TRPS1: variants seen among roughly 807,000 people sequenced by gnomAD.
TRPS1 encodes zinc finger transcription factor Trps1.
In TRPS1, 6 loss-of-function variants were observed where a neutral mutation model predicts 101.2. That is an observed-to-expected ratio of 0.06 (90% CI 0.03 to 0.12). TRPS1 has a LOEUF of 0.12. TRPS1 is among the 10% of genes least tolerant of loss of function. The probability of loss-of-function intolerance (pLI) is 1.00; values close to 1 mark genes in which losing one functional copy is unlikely to be tolerated. For missense variants in TRPS1, 1,363 were observed against 1,567.0 expected, an observed-to-expected ratio of 0.87 and a Z score of 2.20; for synonymous variants, 578 against 589.8, an observed-to-expected ratio of 0.98 and a Z score of 0.29.
chr8:115,515,247 A>G, intron 5 of TRPS1: 1 of 698,148 alleles, frequency 1.4e-6, no homozygotes, highest in Non-Finnish European at 2.6e-6. Flanking sequence ...CAAAGACTAA[A>G]CTGCTCTTCG....
chr8:115,611,212 G>A (rs1818156282), intron 3 of TRPS1, among the ~76,000 whole-genome samples: 1 of 151,752 alleles, frequency 6.6e-6, no homozygotes, highest in Non-Finnish European at 1.5e-5. Flanking sequence ...GGGTTACAAA[G>A]CTAAGTGAAT....
At position 115,483,018 on chromosome 8, in the gene TRPS1, A is replaced by G. The variant is rs570557427; in HGVS notation, c.2701-64566T>C. On this transcript the variant is annotated intron_variant, in intron 5 of 6. Transcript: ENST00000395715. ...TGCCTTGAACTGTAAATGCATAAACATTGTCATTCCATATAAGTAGGTCTT... is the reference window on the plus strand; with the variant it reads ...TGCCTTGAACTGTAAATGCATAAACGTTGTCATTCCATATAAGTAGGTCTT... 2.6e-4 allele frequency among the ~76,000 whole-genome samples: 39 copies of G among 152,338 alleles called. 1 individual carries two copies. The South Asian group carries it at 7.2e-3, about 28-fold the overall frequency.
At chr8:115,493,550 T>C (rs1475979403) in intron 5 of TRPS1, among the ~76,000 whole-genome samples, 1 of 152,138 alleles carries the variant, frequency 6.6e-6, no homozygotes, top group Non-Finnish European at 1.5e-5. Flanking sequence ...TGTTTCTCCA[T>C]GTTGGTCAGG....
intron 5 of TRPS1, among the ~76,000 whole-genome samples, chr8:115,486,908 T>C (rs527977385): frequency 1.6e-4 from 24 of 152,288 alleles, no homozygotes; most frequent in African/African-American, 5.3e-4. Flanking sequence ...GGAAAGGTGA[T>C]TGATGAAGAT....
At position 115,411,485 on chromosome 8, in the gene TRPS1, GA is replaced by G. The variant is rs570702506; in HGVS notation, c.*2537del. Reference sequence around the variant, plus strand: ...GATAATGTTGCTTAAGGATTGCCACGATGCATTCTGTTATTCTTTTTACTAA... The same window carrying G: ...GATAATGTTGCTTAAGGATTGCCACGTGCATTCTGTTATTCTTTTTACTAA... On this transcript the variant is annotated 3_prime_UTR_variant, in exon 7 of 7. Transcript: ENST00000395715. 136 of 152,476 alleles carry G rather than the reference GA, an allele frequency of 8.9e-4. No individual in the cohort carries two copies. Among genetic ancestry groups the G allele is most frequent in the African/African-American group, 3.0e-3 (126 of 41,516 alleles). 9.4% of individuals were successfully genotyped at this position (152,476 alleles called of 1,614,324 possible).
At chr8:115,590,054 T>G (rs575262122) in intron 4 of TRPS1, among the ~76,000 whole-genome samples, 1 of 151,376 alleles carries the variant, frequency 6.6e-6, no homozygotes, top group Admixed American at 6.6e-5. Context: ...GAGGCGGAGG[T>G]TGCAGTGAGC....
At chr8:115,556,864 G>A (rs1563600953) in intron 5 of TRPS1, among the ~76,000 whole-genome samples, 1 of 152,070 alleles carries the variant, frequency 6.6e-6, no homozygotes, top group East Asian at 1.9e-4. Context: ...TTTAGCCCTA[G>A]CAATTTAAAC....
In TRPS1 at chr8:115,476,185, AT is replaced by A. The variant is rs1191455899; in HGVS notation, c.2701-57734del. On this transcript the variant is annotated intron_variant, in intron 5 of 6. Transcript: ENST00000395715. ...AGGCGCCCGCCACTACGCCCGGCTA[AT>A]TTTTTTGTATTTTTAGTAGAGACGG... 1.3e-4 allele frequency among the ~76,000 whole-genome samples: 8 copies of A among 59,546 alleles called. 4 individuals carry two copies. The highest frequency in any genetic ancestry group is 2.0e-4 in the Non-Finnish European group (8 of 39,130). The allele number at this position is 59,546 out of a possible 152,430, so 39.1% of individuals were successfully genotyped here.
intron 5 of TRPS1, among the ~76,000 whole-genome samples, chr8:115,514,909 AT>A (rs1377125665): frequency 6.6e-6 from 1 of 151,626 alleles, no homozygotes; most frequent in Non-Finnish European, 1.5e-5. Context: ...CCATATGTCA[AT>A]TCCAGTGTAG....
chr8:115,602,197 T>G (rs1392432653), intron 4 of TRPS1, among the ~76,000 whole-genome samples: 1 of 152,090 alleles, frequency 6.6e-6, no homozygotes, highest in African/African-American at 2.4e-5. Context: ...CCAAGATGTG[T>G]GTGTGTTCTG....
chr8:115,449,852 G>C (rs1256063157), intron 5 of TRPS1, among the ~76,000 whole-genome samples: 1 of 151,872 alleles, frequency 6.6e-6, no homozygotes, highest in East Asian at 1.9e-4. Flanking sequence ...GAGAAATAAT[G>C]GTCAGAAGCA....
rs542594588 is a variant in TRPS1 at position 115,428,301 on chromosome 8, T to C, written c.2701-9849A>G. On this transcript the variant is annotated intron_variant, in intron 5 of 6. Transcript: ENST00000395715. ...CTGCTTAAAAACTCCCCCACTATTA[T>C]ATATAAAACTTCATGTTCTTCATCT... 2.6e-5 allele frequency among the ~76,000 whole-genome samples: 4 copies of C among 152,312 alleles called. No homozygotes were observed. The South Asian group carries it at 6.2e-4, about 24-fold the overall frequency.
intron 6 of TRPS1, among the ~76,000 whole-genome samples, chr8:115,416,118 T>C (rs2129757248): frequency 6.6e-6 from 1 of 152,252 alleles, no homozygotes; most frequent in South Asian, 2.1e-4. Context: ...GTAGCTTTGG[T>C]TTAAATATCT....
intron 1 of TRPS1, among the ~76,000 whole-genome samples, chr8:115,635,762 G>A (rs1818754358): frequency 6.6e-6 from 1 of 152,094 alleles, no homozygotes; most frequent in African/African-American, 2.4e-5. Context: ...AGAGAATGTG[G>A]CTTCTTAAGG....
intron 5 of TRPS1, among the ~76,000 whole-genome samples, chr8:115,526,489 T>C (rs1325424755): frequency 6.6e-6 from 1 of 152,204 alleles, no homozygotes; most frequent in African/African-American, 2.4e-5. Flanking sequence ...ATCTGTTGTT[T>C]CTTTCTTCTA....
chr8:115,469,078 C>T (rs1414014625), intron 5 of TRPS1, among the ~76,000 whole-genome samples: 3 of 152,140 alleles, frequency 2.0e-5, no homozygotes, highest in Non-Finnish European at 4.4e-5. Flanking sequence ...GAGGTTGAGG[C>T]TGCAGTAAGC....
intron 5 of TRPS1, among the ~76,000 whole-genome samples, chr8:115,473,028 C>T (rs532858158): frequency 6.6e-6 from 1 of 152,308 alleles, no homozygotes; most frequent in South Asian, 2.1e-4. Context: ...TCTTCTGAGC[C>T]TTCCAAACTG....
intron 1 of TRPS1, among the ~76,000 whole-genome samples, chr8:115,638,486 C>T (rs1019029564): frequency 1.4e-4 from 21 of 152,116 alleles, no homozygotes; most frequent in Admixed American, 2.0e-4. Flanking sequence ...GCCTTTAAGG[C>T]CCCAAAAATT....
chr8:115,501,690 T>C (rs1815323936), intron 5 of TRPS1, among the ~76,000 whole-genome samples: 1 of 152,212 alleles, frequency 6.6e-6, no homozygotes, highest in African/African-American at 2.4e-5. Context: ...TTGTAAATAG[T>C]ACAGCTTTTC....
Sources: gnomAD v4.1 joint callset for allele counts (sites outside exome capture counted in the v4.1 genomes callset) on GRCh38, gnomAD v4.1.1 for gene constraint, MANE v1.5 for transcripts, NCBI Gene and HGNC (gene_info 2026-07-23, HGNC 2026-07-21) for gene names.